The following JADE3 variants were observed in gnomAD, a reference collection of about 807,000 sequenced individuals.
JADE3 encodes the protein protein Jade-3.
A neutral mutation model predicts 50.1 loss-of-function variants in JADE3; 2 were observed. The observed-to-expected ratio is 0.04, with a 90% CI of 0.02 to 0.13. The LOEUF is 0.13. Ranked by LOEUF, JADE3 falls within the 10% of genes least tolerant of loss-of-function variation. JADE3 has a pLI of 1.00. For synonymous variants in JADE3, 218 were observed against 232.9 expected (o/e 0.94, Z 0.58); for missense variants, 475 against 634.4 (o/e 0.75, Z 2.70).
chrX:47,017,962 A>G (rs1928711082), intron 4 of JADE3, among the ~76,000 whole-genome samples: 2 of 112,237 alleles, frequency 1.8e-5, no homozygotes, highest in Admixed American at 1.9e-4. Flanking sequence ...AGAAAAATCT[A>G]TCCTTCTAGC....
At chrX:46,977,012 T>C (rs1280521413) in intron 1 of JADE3, among the ~76,000 whole-genome samples, 1 of 111,829 alleles carries the variant, frequency 8.9e-6, no homozygotes, top group Non-Finnish European at 1.9e-5. Context: ...GGCTTTTCTT[T>C]CTTAAAAAAA....
chrX:47,053,194 G>T (rs1404306353), intron 8 of JADE3, among the ~76,000 whole-genome samples: 1 of 111,700 alleles, frequency 9.0e-6, no homozygotes, highest in Non-Finnish European at 1.9e-5. Flanking sequence ...GCTGAGGCTG[G>T]TGGATCACTT....
intron 4 of JADE3, among the ~76,000 whole-genome samples, chrX:47,005,255 A>T (rs782148504): frequency 9.0e-6 from 1 of 111,043 alleles, no homozygotes; most frequent in African/African-American, 3.3e-5. Flanking sequence ...TTATTTTATT[A>T]TTTTTTTGAG....
intron 3 of JADE3, among the ~76,000 whole-genome samples, chrX:46,989,273 C>T (rs782203425): frequency 8.9e-6 from 1 of 112,482 alleles, no homozygotes; most frequent in Non-Finnish European, 1.9e-5. Context: ...TTAAGGTTCA[C>T]TTAAGAAATA....
chrX:47,003,826 A>C (rs1409057559), intron 4 of JADE3, among the ~76,000 whole-genome samples: 1 of 101,153 alleles, frequency 9.9e-6, no homozygotes, highest in African/African-American at 3.5e-5. Flanking sequence ...AAAATTATAA[A>C]TTTATATATA....
chrX:47,022,056 A>AT (rs1928807638), intron 4 of JADE3, among the ~76,000 whole-genome samples: 1 of 112,530 alleles, frequency 8.9e-6, no homozygotes, highest in Admixed American at 9.4e-5. Flanking sequence ...CTTAATGAGC[A>AT]TATTGGTATA....
chrX:47,022,258 C>T (rs370533266), intron 4 of JADE3, among the ~76,000 whole-genome samples: 19 of 112,169 alleles, frequency 1.7e-4, no homozygotes, highest in African/African-American at 5.2e-4. Context: ...TATGTCTGTC[C>T]TACCCTTTTT....
chrX:46,958,238 C>T (rs926300461), intron 1 of JADE3, among the ~76,000 whole-genome samples: 1 of 112,223 alleles, frequency 8.9e-6, no homozygotes, highest in Non-Finnish European at 1.9e-5. Flanking sequence ...TGTTTACTGA[C>T]ATCAAAAGCT....
At chrX:46,954,337 T>G (rs781796651) in intron 1 of JADE3, among the ~76,000 whole-genome samples, 3 of 111,551 alleles carry the variant, frequency 2.7e-5, no homozygotes, top group African/African-American at 9.8e-5. Flanking sequence ...TGTTTTTTGG[T>G]TTTGTTTGGT....
At chrX:46,922,048 T>C (rs1556337822) in intron 1 of JADE3, among the ~76,000 whole-genome samples, 1 of 108,342 alleles carries the variant, frequency 9.2e-6, no homozygotes, top group African/African-American at 3.4e-5. Flanking sequence ...CAGGCACCTC[T>C]CCCAATGCTA....
intron 1 of JADE3, among the ~76,000 whole-genome samples, chrX:46,961,477 A>G (rs1327380720): frequency 8.9e-6 from 1 of 112,430 alleles, no homozygotes; most frequent in African/African-American, 3.2e-5. Context: ...ATCGTTGCAT[A>G]TTAATAGCTT....
At chrX:46,971,794 TAAA>T (rs782105404) in intron 1 of JADE3, among the ~76,000 whole-genome samples, 2 of 85,526 alleles carry the variant, frequency 2.3e-5, no homozygotes, top group Non-Finnish European at 2.3e-5. Flanking sequence ...AGACTCCGTC[TAAA>T]AAAAAAAAAA....
chrX:46,985,495 G>A (rs1460169418), intron 2 of JADE3, among the ~76,000 whole-genome samples: 1 of 111,932 alleles, frequency 8.9e-6, no homozygotes, highest in Non-Finnish European at 1.9e-5. Flanking sequence ...CCTTAGCATT[G>A]TTGAAGCTTT....
At chrX:47,021,076 G>T (rs1318008129) in intron 4 of JADE3, among the ~76,000 whole-genome samples, 2 of 109,133 alleles carry the variant, frequency 1.8e-5, no homozygotes, top group African/African-American at 6.7e-5. Context: ...TCATGCCACT[G>T]AGAACTACCT....
chrX:47,045,210 G>A (rs1243816766), intron 8 of JADE3, among the ~76,000 whole-genome samples: 1 of 111,524 alleles, frequency 9.0e-6, no homozygotes, highest in African/African-American at 3.2e-5. Flanking sequence ...TACACATATA[G>A]GCTGAAAATA....
At chrX:46,968,049 C>T (rs1327065089) in intron 1 of JADE3, among the ~76,000 whole-genome samples, 1 of 111,555 alleles carries the variant, frequency 9.0e-6, no homozygotes, top group Non-Finnish European at 1.9e-5. Flanking sequence ...GTCAGCCTCC[C>T]AATTATCCCC....
chrX:47,006,500 A>G (rs1204954727), intron 4 of JADE3, among the ~76,000 whole-genome samples: 1 of 92,905 alleles, frequency 1.1e-5, no homozygotes, highest in African/African-American at 4.1e-5. Context: ...GGGTTTCGCC[A>G]TGTTGCCCAG....
chrX:47,026,480 T>C (rs909727164), intron 5 of JADE3, among the ~76,000 whole-genome samples: 4 of 111,035 alleles, frequency 3.6e-5, no homozygotes, highest in Admixed American at 9.6e-5. Flanking sequence ...TCAGACTTTA[T>C]TGGGATTTCA....
intron 10 of JADE3, 53 bp downstream of exon 10, chrX:47,056,252 CTATCT>C: frequency 1.6e-6 from 1 of 613,463 alleles, no homozygotes; most frequent in South Asian, 3.3e-5. Context: ...TGGTTATATC[CTATCT>C]TAACAATTTA....
Sources: gnomAD v4.1 joint callset for allele counts (sites outside exome capture counted in the v4.1 genomes callset) on GRCh38, gnomAD v4.1.1 for gene constraint, MANE v1.5 for transcripts, NCBI Gene and HGNC (gene_info 2026-07-23, HGNC 2026-07-21) for gene names.